Variants in MGMT observed in about 807,000 individuals in gnomAD.
MGMT encodes methylated-DNA--protein-cysteine methyltransferase.
A neutral mutation model predicts 15.9 loss-of-function variants in MGMT; 14 were observed. That is an observed-to-expected ratio of 0.88 (90% CI 0.58 to 1.37). MGMT has a LOEUF of 1.37. MGMT is among the 40% of genes most tolerant of loss of function. The pLI is 0.00. For missense variants in MGMT, 282 were observed against 268.1 expected, an observed-to-expected ratio of 1.05 and a Z score of -0.36; for synonymous variants, 130 against 118.2, an observed-to-expected ratio of 1.10 and a Z score of -0.65.
chr10:129,496,982 T>G (rs762482248), intron 1 of MGMT, among the ~76,000 whole-genome samples: 1 of 152,110 alleles, frequency 6.6e-6, no homozygotes, highest in Non-Finnish European at 1.5e-5. Context: ...CATGACCCAC[T>G]GTGCCTGGCC....
At chr10:129,717,321 C>T (rs995719873) in intron 3 of MGMT, among the ~76,000 whole-genome samples, 2 of 152,210 alleles carry the variant, frequency 1.3e-5, no homozygotes, top group Non-Finnish European at 2.9e-5. Context: ...CTCTGAATAG[C>T]AGATCATCCT....
intron 2 of MGMT, among the ~76,000 whole-genome samples, chr10:129,618,192 A>G (rs1318095163): frequency 6.6e-6 from 1 of 152,110 alleles, no homozygotes; most frequent in South Asian, 2.1e-4. Flanking sequence ...AACTTTTTTT[A>G]AAAAGGATTT....
At chr10:129,638,466 CT>C (rs1847291270) in intron 2 of MGMT, among the ~76,000 whole-genome samples, 1 of 81,642 alleles carries the variant, frequency 1.2e-5, no homozygotes, top group Non-Finnish European at 2.8e-5. Context: ...AGAAAAATAA[CT>C]GACGTCTATC....
intron 3 of MGMT, among the ~76,000 whole-genome samples, chr10:129,719,094 T>A (rs1169964383): frequency 6.6e-6 from 1 of 151,430 alleles, no homozygotes; most frequent in Non-Finnish European, 1.5e-5. Context: ...GTGTGCCCAT[T>A]CAGCTGTGTC....
At chr10:129,724,123 G>A (rs1848406024) in intron 3 of MGMT, among the ~76,000 whole-genome samples, 1 of 152,170 alleles carries the variant, frequency 6.6e-6, no homozygotes, top group African/African-American at 2.4e-5. Flanking sequence ...ATTGGGAATT[G>A]CTTGTATGTC....
At chr10:129,476,288 T>C (rs1020410831) in intron 1 of MGMT, among the ~76,000 whole-genome samples, 2 of 152,168 alleles carry the variant, frequency 1.3e-5, no homozygotes, top group South Asian at 2.1e-4. Context: ...TTTGGATTGT[T>C]TGTCACTCCA....
At chr10:129,601,857 G>A (rs1846826112) in intron 2 of MGMT, among the ~76,000 whole-genome samples, 1 of 152,132 alleles carries the variant, frequency 6.6e-6, no homozygotes, top group Non-Finnish European at 1.5e-5. Context: ...TAGAGTGCTT[G>A]GTGTTCCAGT....
At chr10:129,670,850 T>C (rs934835439) in intron 2 of MGMT, among the ~76,000 whole-genome samples, 2 of 152,250 alleles carry the variant, frequency 1.3e-5, no homozygotes, top group African/African-American at 4.8e-5. Flanking sequence ...TCAGTACTCA[T>C]TGAACTGTAT....
At chr10:129,594,917 C>T (rs774698816) in intron 2 of MGMT, among the ~76,000 whole-genome samples, 1 of 152,196 alleles carries the variant, frequency 6.6e-6, no homozygotes, top group Non-Finnish European at 1.5e-5. Flanking sequence ...ACACCCGTCA[C>T]GCCATCAACC....
intron 1 of MGMT, among the ~76,000 whole-genome samples, chr10:129,486,045 A>G (rs1212672020): frequency 1.3e-5 from 2 of 152,212 alleles, no homozygotes; most frequent in Non-Finnish European, 1.5e-5. Flanking sequence ...TAGACTTGAT[A>G]TAGATAGATA....
At chr10:129,697,805 A>T (rs1288736407) in intron 2 of MGMT, among the ~76,000 whole-genome samples, 4 of 152,092 alleles carry the variant, frequency 2.6e-5, no homozygotes, top group Non-Finnish European at 5.9e-5. Context: ...GAGAGTGAGG[A>T]TGTGAAATTG....
rs1241491861 is a variant in MGMT, at chr10:129,768,018, C to A, written c.*1021C>A. On this transcript the variant is annotated 3_prime_UTR_variant, in exon 5 of 5. Coordinates refer to ENST00000651593, the MANE Select transcript of MGMT (RefSeq NM_002412.5). ...TAGCTCTGCATATGGAGAAATAAAA[C>A]AGAGCATATGATGTATAGAGAAAAT... 1 of 152,232 alleles carries A rather than the reference C, an allele frequency of 6.6e-6. No homozygotes were observed. The highest frequency in any genetic ancestry group is 1.5e-5 in the Non-Finnish European group (1 of 68,038). The allele number at this position is 152,232 out of a possible 1,614,324, so 9.4% of individuals were successfully genotyped here.
At chr10:129,571,301 TAAA>T (rs1846414516) in intron 2 of MGMT, among the ~76,000 whole-genome samples, 1 of 152,208 alleles carries the variant, frequency 6.6e-6, no homozygotes, top group Non-Finnish European at 1.5e-5. Flanking sequence ...TTTCCTGTAA[TAAA>T]CACCCCTAAG....
At chr10:129,621,236 G>A (rs1485560161) in intron 2 of MGMT, among the ~76,000 whole-genome samples, 1 of 152,180 alleles carries the variant, frequency 6.6e-6, no homozygotes, top group African/African-American at 2.4e-5. Context: ...ATTGAAAATG[G>A]TGTTCTGTGA....
intron 2 of MGMT, among the ~76,000 whole-genome samples, chr10:129,590,602 G>T (rs1296336646): frequency 6.6e-6 from 1 of 152,196 alleles, no homozygotes; most frequent in East Asian, 1.9e-4. Flanking sequence ...CCAAGAAAAA[G>T]AACGTAAACT....
chr10:129,477,146 C>G (rs952192629), intron 1 of MGMT, among the ~76,000 whole-genome samples: 1 of 152,184 alleles, frequency 6.6e-6, no homozygotes, highest in Admixed American at 6.5e-5. Context: ...CTCAGGGAAC[C>G]TCTTCTGACC....
intron 3 of MGMT, among the ~76,000 whole-genome samples, chr10:129,718,180 G>T (rs748186215): frequency 2.6e-5 from 4 of 152,178 alleles, no homozygotes; most frequent in African/African-American, 9.7e-5. Context: ...TGATTTACAC[G>T]ACCAGAGCTA....
At chr10:129,500,904 G>A (rs1177624355) in intron 1 of MGMT, among the ~76,000 whole-genome samples, 4 of 152,184 alleles carry the variant, frequency 2.6e-5, no homozygotes, top group Non-Finnish European at 5.9e-5. Flanking sequence ...AAACAGTTCA[G>A]TGTCTCTGAT....
intron 1 of MGMT, among the ~76,000 whole-genome samples, chr10:129,500,410 T>G (rs938848795): frequency 6.6e-6 from 1 of 152,158 alleles, no homozygotes; most frequent in African/African-American, 2.4e-5. Context: ...CGCTTGACTT[T>G]AGGCTTCTAC....
Sources: allele counts gnomAD v4.1 joint callset (sites outside exome capture counted in the v4.1 genomes callset), GRCh38; gene constraint gnomAD v4.1.1; transcripts MANE v1.5; gene names NCBI Gene and HGNC (gene_info 2026-07-23, HGNC 2026-07-21).